Variants in VWC2L observed in about 807,000 individuals in gnomAD.
VWC2L encodes von Willebrand factor C domain containing 2 like, also known as von Willebrand factor C domain-containing protein 2-like.
Under a neutral mutation model 21.6 loss-of-function variants are expected in VWC2L, and 10 were observed. That is an observed-to-expected ratio of 0.46 (90% CI 0.29 to 0.78). The LOEUF is 0.78. VWC2L is among the 30% of genes least tolerant of loss of function. The pLI, the probability that VWC2L is intolerant of heterozygous loss-of-function variation, is 0.10. For synonymous variants in VWC2L, 96 were observed against 94.3 expected (o/e 1.02, Z -0.10); for missense variants, 209 against 277.1 (o/e 0.75, Z 1.74).
intron 3 of VWC2L, among the ~76,000 whole-genome samples, chr2:214,545,622 G>T (rs1689694035): frequency 6.6e-6 from 1 of 152,184 alleles, no homozygotes; most frequent in South Asian, 2.1e-4. Context: ...CTAAGGAAAA[G>T]CATTGCTATC....
chr2:214,492,312 G>A (rs1688756333), intron 3 of VWC2L, among the ~76,000 whole-genome samples: 1 of 152,208 alleles, frequency 6.6e-6, no homozygotes, highest in Non-Finnish European at 1.5e-5. Context: ...AGAGTGTGAT[G>A]TGTGACAAAG....
intron 3 of VWC2L, among the ~76,000 whole-genome samples, chr2:214,538,717 G>T (rs1689580307): frequency 6.6e-6 from 1 of 151,574 alleles, no homozygotes; most frequent in Non-Finnish European, 1.5e-5. Flanking sequence ...TGTTCTAATG[G>T]AATATTTTTT....
chr2:214,454,759 C>T (rs1051582619), intron 3 of VWC2L, among the ~76,000 whole-genome samples: 3 of 151,452 alleles, frequency 2.0e-5, no homozygotes, highest in Admixed American at 6.6e-5. Context: ...CCTGCCACCA[C>T]GCCCGGCTAA....
At chr2:214,449,930 G>A (rs1420267333) in intron 3 of VWC2L, among the ~76,000 whole-genome samples, 1 of 152,104 alleles carries the variant, frequency 6.6e-6, no homozygotes, top group Non-Finnish European at 1.5e-5. Context: ...CAATATATCT[G>A]CCTTCTGGAA....
Position 214,578,948 on chromosome 2 carries a change from G to A in VWC2L, c.*3128G>A, listed in dbSNP as rs1320749804. The A allele has an allele frequency of 6.6e-6, 1 of 151,590 alleles. No individual in the cohort carries two copies. The highest frequency in any genetic ancestry group is 1.5e-5 in the Non-Finnish European group (1 of 67,946). 9.4% of individuals were successfully genotyped at this position (151,590 alleles called of 1,614,324 possible). A position where few individuals can be genotyped will look rare whatever the true frequency, so the allele number is the denominator to read the frequency against. On this transcript the variant is annotated 3_prime_UTR_variant, in exon 4 of 4. Coordinates refer to ENST00000312504, the MANE Select transcript of VWC2L (RefSeq NM_001080500.4). The stretch of plus-strand genomic sequence containing the variant: ...GAATATATTATTAAAAAATTATTTT[G>A]TTAAATATAAAGTGTGTTAACCAGC...
chr2:214,482,083 G>A (rs1688610483), intron 3 of VWC2L, among the ~76,000 whole-genome samples: 2 of 152,042 alleles, frequency 1.3e-5, no homozygotes, highest in African/African-American at 4.8e-5. Context: ...TGAAACATTG[G>A]CAAAAATATA....
intron 3 of VWC2L, among the ~76,000 whole-genome samples, chr2:214,494,731 C>T (rs62199322): frequency 0.37 from 56,780 of 151,858 alleles, 12,626 homozygotes; most frequent in South Asian, 0.58. Flanking sequence ...ACTTAAAATT[C>T]ATCCTTGAAA....
intron 3 of VWC2L, among the ~76,000 whole-genome samples, chr2:214,538,552 G>A (rs539582419): frequency 6.9e-4 from 104 of 151,604 alleles, no homozygotes; most frequent in Non-Finnish European, 1.4e-3. Context: ...CAACATAGAC[G>A]CAAATAAGAA....
intron 3 of VWC2L, among the ~76,000 whole-genome samples, chr2:214,483,036 T>G (rs1688628439): frequency 6.6e-6 from 1 of 152,180 alleles, no homozygotes; most frequent in Non-Finnish European, 1.5e-5. Flanking sequence ...GCAGTGAGCT[T>G]GCAATCAATA....
intron 3 of VWC2L, among the ~76,000 whole-genome samples, chr2:214,439,842 A>G (rs1702738159): frequency 6.6e-6 from 1 of 151,886 alleles, no homozygotes; most frequent in Non-Finnish European, 1.5e-5. Context: ...AAAGATAACA[A>G]TATGTATGTA....
At chr2:214,491,826 A>G (rs192588752) in intron 3 of VWC2L, among the ~76,000 whole-genome samples, 4 of 152,206 alleles carry the variant, frequency 2.6e-5, no homozygotes, top group Admixed American at 2.6e-4. Context: ...GAAAAAAAAA[A>G]TTACTTCTCA....
chr2:214,436,605 G>A, intron 2 of VWC2L, 24 bp from the exon 3 acceptor site: 8 of 1,611,420 alleles, frequency 5.0e-6, no homozygotes, highest in African/African-American at 1.3e-5. Context: ...GGAGAAAAGG[G>A]GCTAATTTTA....
chr2:214,492,301 C>CA (rs1453100992), intron 3 of VWC2L, among the ~76,000 whole-genome samples: 1 of 152,186 alleles, frequency 6.6e-6, no homozygotes, highest in Non-Finnish European at 1.5e-5. Context: ...GCACCGCACT[C>CA]AGAGTGTGAT....
chr2:214,474,104 C>T (rs1473201802), intron 3 of VWC2L, among the ~76,000 whole-genome samples: 1 of 152,026 alleles, frequency 6.6e-6, no homozygotes, highest in Non-Finnish European at 1.5e-5. Flanking sequence ...TAAATTATTG[C>T]ACCCTGATTT....
intron 3 of VWC2L, among the ~76,000 whole-genome samples, chr2:214,572,988 C>A (rs1012136532): frequency 6.6e-6 from 1 of 152,148 alleles, no homozygotes; most frequent in Non-Finnish European, 1.5e-5. Flanking sequence ...GAGAGTGCAG[C>A]AAATTCTAAA....
intron 3 of VWC2L, among the ~76,000 whole-genome samples, chr2:214,494,546 A>G (rs1688786285): frequency 6.6e-6 from 1 of 152,132 alleles, no homozygotes; most frequent in African/African-American, 2.4e-5. Flanking sequence ...TTAACCTCTC[A>G]TGTTTGTGAC....
At chr2:214,431,987 G>A (rs939129658) in intron 2 of VWC2L, among the ~76,000 whole-genome samples, 5 of 152,160 alleles carry the variant, frequency 3.3e-5, no homozygotes, top group African/African-American at 1.2e-4. Flanking sequence ...GAGTTTATGT[G>A]CATTGCCATA....
rs968661978 is a variant in VWC2L, at chr2:214,576,552, A to T, written c.*732A>T. The T allele has an allele frequency of 3.3e-5, 5 of 152,230 alleles. No homozygotes were observed. Among genetic ancestry groups the T allele is most frequent in the African/African-American group, 1.2e-4 (5 of 41,466 alleles). The allele number at this position is 152,230 out of a possible 1,614,324, so 9.4% of individuals were successfully genotyped here. A position where few individuals can be genotyped will look rare whatever the true frequency, so the allele number is the denominator to read the frequency against. On this transcript the variant is annotated 3_prime_UTR_variant, in exon 4 of 4. Coordinates refer to ENST00000312504, the MANE Select transcript of VWC2L (RefSeq NM_001080500.4). ...CCAATCAAAATCTATTACGTAAAGA[A>T]CACCATAAGCTCAACTAAAGAATCC...
chr2:214,560,506 A>G (rs1689950052), intron 3 of VWC2L, among the ~76,000 whole-genome samples: 1 of 152,206 alleles, frequency 6.6e-6, no homozygotes, highest in Non-Finnish European at 1.5e-5. Context: ...ATTTTAATGA[A>G]GTGAAAATAG....
Sources: allele counts gnomAD v4.1 joint callset (sites outside exome capture counted in the v4.1 genomes callset), GRCh38; gene constraint gnomAD v4.1.1; transcripts MANE v1.5; gene names NCBI Gene and HGNC (gene_info 2026-07-23, HGNC 2026-07-21).